The following FKTN variants were observed in gnomAD, a reference collection of about 807,000 sequenced individuals.
The protein encoded by FKTN is fukutin.
Under a neutral mutation model 58.6 loss-of-function variants are expected in FKTN, and 47 were observed. The ratio of observed to expected loss-of-function variants is 0.80; its 90% confidence interval spans 0.63 to 1.02. The LOEUF is 1.02. Ranked by LOEUF, FKTN falls within the 50% of genes least tolerant of loss-of-function variation. The pLI, the probability that FKTN is intolerant of heterozygous loss-of-function variation, is 0.00. For synonymous variants in FKTN, 178 were observed against 191.9 expected (o/e 0.93, Z 0.60); for missense variants, 516 against 537.3 (o/e 0.96, Z 0.39).
chr9:105,617,223 A>G (rs1029284514), intron 8 of FKTN, among the ~76,000 whole-genome samples: 1 of 152,220 alleles, frequency 6.6e-6, no homozygotes, highest in Non-Finnish European at 1.5e-5. Context: ...AAATGATTAG[A>G]AAGATCATAG....
Position 105,640,071 on chromosome 9 carries a change from C to T in FKTN, c.*4807C>T. 1.3e-6 allele frequency: 2 copies of T among 1,534,350 alleles called. No homozygotes were observed. Among genetic ancestry groups the T allele is most frequent in the Non-Finnish European group, 1.7e-6 (2 of 1,145,756 alleles). On this transcript the variant is annotated 3_prime_UTR_variant, in exon 11 of 11. Transcript: ENST00000357998. ...TGAAAATACTCATTTCTACTTTCTG[C>T]CCTCAAATTTCTGTTTCTATCTCAA...
chr9:105,615,457 G>A (rs1475637496), intron 8 of FKTN, 50 bp downstream of exon 8: 1 of 1,586,320 alleles, frequency 6.3e-7, no homozygotes, highest in African/African-American at 1.3e-5. Context: ...TTGTCCTCTG[G>A]CTTTAGGGAT....
At chr9:105,596,491 T>C in intron 3 of FKTN, 107 bp from the exon 4 acceptor site, 3 of 745,778 alleles carry the variant, frequency 4.0e-6, no homozygotes, top group Non-Finnish European at 7.3e-6. Flanking sequence ...GATAATGCTT[T>C]TTAATGATTA....
At chr9:105,616,722 T>C (rs1352563548) in intron 8 of FKTN, among the ~76,000 whole-genome samples, 2 of 152,178 alleles carry the variant, frequency 1.3e-5, no homozygotes, top group African/African-American at 2.4e-5. Flanking sequence ...ATCCAATTTA[T>C]TGTTCAATTC....
At chr9:105,585,071 A>G (rs1843667971) in intron 3 of FKTN, among the ~76,000 whole-genome samples, 1 of 152,208 alleles carries the variant, frequency 6.6e-6, no homozygotes, top group Non-Finnish European at 1.5e-5. Context: ...GTGTGAAAAC[A>G]GGATACTGTC....
chr9:105,634,372 G>A (rs2133441566), intron 10 of FKTN, among the ~76,000 whole-genome samples: 1 of 152,224 alleles, frequency 6.6e-6, no homozygotes, highest in East Asian at 1.9e-4. Context: ...GGCCTCAAGT[G>A]ATCTACCTGC....
rs536181422 is a variant in FKTN, at chr9:105,607,614, A to T, written c.648-205A>T. ...TAAATCTTTTATTATTATTATTATT[A>T]TTTTTAAATTTTACTTTAAGTAGTG... On this transcript the variant is annotated intron_variant, in intron 6 of 10. Transcript: ENST00000357998. 1.5e-3 allele frequency among the ~76,000 whole-genome samples: 231 copies of T among 151,882 alleles called. 2 individuals carry two copies. Among genetic ancestry groups the T allele is most frequent in the Non-Finnish European group, 2.3e-3 (158 of 67,924 alleles).
At chr9:105,564,328 C>T (rs1302656811) in intron 1 of FKTN, among the ~76,000 whole-genome samples, 1 of 152,202 alleles carries the variant, frequency 6.6e-6, no homozygotes, top group African/African-American at 2.4e-5. Flanking sequence ...GAGAAGAAGG[C>T]TTCAGACGAT....
intron 8 of FKTN, among the ~76,000 whole-genome samples, chr9:105,617,065 G>C (rs1830954149): frequency 6.6e-6 from 1 of 152,060 alleles, no homozygotes; most frequent in Non-Finnish European, 1.5e-5. Context: ...TGAGGGAGTT[G>C]TATTAGATGA....
In FKTN at chr9:105,637,367, A is replaced by G. The variant is rs772149177; in HGVS notation, c.*2103A>G. On this transcript the variant is annotated 3_prime_UTR_variant, in exon 11 of 11. Transcript: ENST00000357998. ...TTGGCCCAATTGACACAGGTTCTATATTCTTCCCTACATAGACCACTGGCT... is the reference window on the plus strand; with the variant it reads ...TTGGCCCAATTGACACAGGTTCTATGTTCTTCCCTACATAGACCACTGGCT... 4.2e-5 allele frequency: 41 copies of G among 985,354 alleles called. 1 individual carries two copies. The highest frequency in any genetic ancestry group is 1.1e-4 in the East Asian group (1 of 8,804). The allele number at this position is 985,354 out of a possible 1,614,324, so 61.0% of individuals were successfully genotyped here. A position where few individuals can be genotyped will look rare whatever the true frequency, so the allele number is the denominator to read the frequency against.
At position 105,635,763 on chromosome 9, in the gene FKTN, T is replaced by C. The variant is rs745994611; in HGVS notation, c.*499T>C. 9.9e-5 allele frequency: 99 copies of C among 1,004,652 alleles called. No homozygotes were observed. The highest frequency in any genetic ancestry group is 3.1e-4 in the Admixed American group (6 of 19,420). 62.2% of individuals were successfully genotyped at this position (1,004,652 alleles called of 1,614,324 possible). The stretch of plus-strand genomic sequence containing the variant: ...AGTTAATATTCAAGTGATCAGACTT[T>C]GAGTGACATCAAGAAAAGATGATAT... On this transcript the variant is annotated 3_prime_UTR_variant, in exon 11 of 11. Transcript: ENST00000357998.
chr9:105,581,942 G>A (rs1489090877), intron 3 of FKTN, among the ~76,000 whole-genome samples: 3 of 152,184 alleles, frequency 2.0e-5, no homozygotes, highest in Non-Finnish European at 4.4e-5. Flanking sequence ...AGGTGTGTCC[G>A]TCACCCCTTT....
In FKTN at chr9:105,604,256, C is replaced by T. The variant is rs537001725; in HGVS notation, c.411C>T (p.Cys137=). ...TAGCTGAGAATATGGGATTTCAGTG[C>T]CTAAAGATTGAGAGTAAAGATCCCC... ...FRIAENMGFQ[C]LKIESKDPRL... is the part of the protein sequence containing the mutation. The change falls in exon 6 of 11, where the codon TGC becomes TGT. Residue 137 remains cysteine, a synonymous_variant. Transcript: ENST00000357998. The T allele has an allele frequency of 1.2e-6, 2 of 1,612,740 alleles. No individual in the cohort carries two copies. Among genetic ancestry groups the T allele is most frequent in the Admixed American group, 1.7e-5 (1 of 59,998 alleles).
chr9:105,611,992 C>T (rs1830010009), intron 7 of FKTN, among the ~76,000 whole-genome samples: 1 of 152,200 alleles, frequency 6.6e-6, no homozygotes, highest in Admixed American at 6.5e-5. Context: ...TCCTTTTTCT[C>T]CACAACCTCA....
At chr9:105,609,645 T>C (rs1829549363) in intron 7 of FKTN, among the ~76,000 whole-genome samples, 1 of 152,156 alleles carries the variant, frequency 6.6e-6, no homozygotes, top group African/African-American at 2.4e-5. Flanking sequence ...CTTTGGAAGA[T>C]TACAAGCCAG....
At chr9:105,625,940 A>G (rs1210857745) in intron 10 of FKTN, among the ~76,000 whole-genome samples, 1 of 151,982 alleles carries the variant, frequency 6.6e-6, no homozygotes, top group Non-Finnish European at 1.5e-5. Flanking sequence ...AACTTCTGGT[A>G]TTACAGTTTA....
chr9:105,595,062 TA>T (rs1487667595), intron 3 of FKTN, among the ~76,000 whole-genome samples: 1 of 152,188 alleles, frequency 6.6e-6, no homozygotes, highest in Non-Finnish European at 1.5e-5. Flanking sequence ...ACATCATGCT[TA>T]GTGAAAAACC....
At chr9:105,574,023 T>C (rs1484070249) in intron 2 of FKTN, among the ~76,000 whole-genome samples, 1 of 152,196 alleles carries the variant, frequency 6.6e-6, no homozygotes, top group Non-Finnish European at 1.5e-5. Context: ...AGAGATGATA[T>C]AGCAAATGGA....
At chr9:105,590,602 C>A (rs947935551) in intron 3 of FKTN, among the ~76,000 whole-genome samples, 2 of 152,058 alleles carry the variant, frequency 1.3e-5, no homozygotes, top group African/African-American at 4.8e-5. Context: ...GTGACAGAAG[C>A]GAGTCAAGGA....
Sources: allele counts gnomAD v4.1 joint callset (sites outside exome capture counted in the v4.1 genomes callset), GRCh38; gene constraint gnomAD v4.1.1; transcripts MANE v1.5; gene names NCBI Gene and HGNC (gene_info 2026-07-23, HGNC 2026-07-21).